The following CAMTA1 variants were observed in gnomAD, a reference collection of about 807,000 sequenced individuals.
CAMTA1 encodes the protein calmodulin binding transcription activator 1.
A neutral mutation model predicts 170.9 loss-of-function variants in CAMTA1; 27 were observed. That is an observed-to-expected ratio of 0.16 (90% CI 0.12 to 0.22). CAMTA1 has a LOEUF of 0.22. Among genes scored for constraint, CAMTA1 ranks in the 10% least tolerant of loss-of-function variants. CAMTA1 has a pLI of 1.00. For synonymous variants in CAMTA1, 833 were observed against 891.5 expected, an observed-to-expected ratio of 0.93 and a Z score of 1.17; for missense variants, 1,619 against 2,217.2, an observed-to-expected ratio of 0.73 and a Z score of 5.42.
chr1:7,656,878 CA>C (rs1202652527), intron 7 of CAMTA1, among the ~76,000 whole-genome samples: 1 of 152,238 alleles, frequency 6.6e-6, no homozygotes, highest in Non-Finnish European at 1.5e-5. Flanking sequence ...GCTGCCTTGC[CA>C]GGGGCCATAA....
chr1:6,887,698 T>A lies in CAMTA1; in HGVS notation c.234+62488T>A. The A allele has an allele frequency of 2.0e-5, 30 of 1,535,296 alleles. No homozygotes were observed. Among genetic ancestry groups the A allele is most frequent in the African/African-American group, 2.7e-5 (2 of 73,128 alleles). On this transcript the variant is annotated intron_variant, in intron 3 of 22. Coordinates refer to ENST00000303635, the MANE Select transcript of CAMTA1 (RefSeq NM_015215.4). The surrounding 1 kb of genome is among the most constrained non-coding windows in gnomAD (Gnocchi z 4.1). ...TCATGGGCGCAGCAAAGAAGAGGGATCCACAGAGCTGGAGCCATGAGGGCT... is the reference window on the plus strand; with the variant it reads ...TCATGGGCGCAGCAAAGAAGAGGGAACCACAGAGCTGGAGCCATGAGGGCT...
intron 5 of CAMTA1, among the ~76,000 whole-genome samples, chr1:7,396,925 G>A (rs1205839894): frequency 2.0e-5 from 3 of 152,112 alleles, no homozygotes; most frequent in African/African-American, 7.2e-5. Flanking sequence ...TTTTGCATCT[G>A]TTTTCATCAT....
chr1:6,876,501 T>G (rs922549153), intron 3 of CAMTA1, among the ~76,000 whole-genome samples: 1 of 152,130 alleles, frequency 6.6e-6, no homozygotes, highest in Non-Finnish European at 1.5e-5. Context: ...TAGCTGGGAT[T>G]ACAGGCGTGT....
At chr1:7,305,954 G>T (rs1176702296) in intron 5 of CAMTA1, among the ~76,000 whole-genome samples, 1 of 151,886 alleles carries the variant, frequency 6.6e-6, no homozygotes, top group Non-Finnish European at 1.5e-5. Context: ...TTCCATTTCT[G>T]TATCCTCTTA....
intron 4 of CAMTA1, among the ~76,000 whole-genome samples, chr1:7,231,605 T>C (rs1330248605): frequency 6.6e-6 from 1 of 152,078 alleles, no homozygotes; most frequent in Non-Finnish European, 1.5e-5. Flanking sequence ...ACTTCTGACC[T>C]CAGGTAATCC....
At chr1:7,557,584 G>A (rs1257916694) in intron 6 of CAMTA1, among the ~76,000 whole-genome samples, 1 of 152,234 alleles carries the variant, frequency 6.6e-6, no homozygotes, top group Non-Finnish European at 1.5e-5. Flanking sequence ...AAAGTTATTG[G>A]TGAAGTAATA....
rs2093552302 is a variant in CAMTA1 at position 7,482,387 on chromosome 1, G to T, written c.510+14486G>T. On this transcript the variant is annotated intron_variant, in intron 6 of 22. Coordinates refer to ENST00000303635, the MANE Select transcript of CAMTA1 (RefSeq NM_015215.4). This position sits in a 1 kb window ranked among gnomAD's most constrained non-coding sequence, Gnocchi z 4.2. Reference sequence around the variant, plus strand: ...CACTACTTCCTGGGGTTTCTCCTAGGCTCTCCCACAGCTGCCCCTAGGTCC... The same window carrying T: ...CACTACTTCCTGGGGTTTCTCCTAGTCTCTCCCACAGCTGCCCCTAGGTCC... Among the ~76,000 whole-genome samples the T allele has an allele frequency of 6.6e-6, 1 of 152,136 alleles. No individual in the cohort carries two copies. The highest frequency in any genetic ancestry group is 2.4e-5 in the African/African-American group (1 of 41,430).
At chr1:7,765,948 A>C (rs1419005944) in intron 22 of CAMTA1, among the ~76,000 whole-genome samples, 1 of 149,392 alleles carries the variant, frequency 6.7e-6, no homozygotes, top group Non-Finnish European at 1.5e-5. Context: ...AATTGCGTGA[A>C]CCCGGGAGGC....
At chr1:7,419,205 G>T (rs571720574) in intron 5 of CAMTA1, among the ~76,000 whole-genome samples, 1 of 24,082 alleles carries the variant, frequency 4.2e-5, no homozygotes, top group African/African-American at 1.1e-4. Context: ...TGCCCAGGCT[G>T]GAATGCAGGG....
At chr1:6,800,232 C>T (rs1643565267) in intron 1 of CAMTA1, among the ~76,000 whole-genome samples, 1 of 151,992 alleles carries the variant, frequency 6.6e-6, no homozygotes, top group Non-Finnish European at 1.5e-5. Flanking sequence ...ATAGTGAGAC[C>T]TTGTCTCTAC....
At chr1:7,378,146 G>A (rs2086989612) in intron 5 of CAMTA1, among the ~76,000 whole-genome samples, 1 of 152,126 alleles carries the variant, frequency 6.6e-6, no homozygotes, top group African/African-American at 2.4e-5. Context: ...GGTGTTAGAG[G>A]AAATTCTCCC....
At chr1:6,919,622 C>G (rs931807747) in intron 3 of CAMTA1, among the ~76,000 whole-genome samples, 4 of 152,166 alleles carry the variant, frequency 2.6e-5, no homozygotes, top group Admixed American at 2.6e-4. Context: ...GTGTATTAGT[C>G]TGTTTTCACA....
intron 6 of CAMTA1, among the ~76,000 whole-genome samples, chr1:7,522,812 G>A (rs935682663): frequency 7.9e-5 from 12 of 152,148 alleles, no homozygotes; most frequent in African/African-American, 2.9e-4. Flanking sequence ...TCAAAAATAA[G>A]TTGAGTGTGT....
At chr1:7,187,708 C>A (rs1031733117) in intron 4 of CAMTA1, among the ~76,000 whole-genome samples, 6 of 152,204 alleles carry the variant, frequency 3.9e-5, no homozygotes, top group Admixed American at 6.5e-5. Flanking sequence ...TGGCACCAAC[C>A]TTCATTATCT....
At chr1:6,836,849 G>A (rs2148651539) in intron 3 of CAMTA1, among the ~76,000 whole-genome samples, 1 of 152,258 alleles carries the variant, frequency 6.6e-6, no homozygotes, top group Middle Eastern at 3.4e-3. Context: ...GTTCAGAGGG[G>A]CTGAGACAGG....
rs988057924 is a variant in CAMTA1 at position 7,136,814 on chromosome 1, A to C, written c.302+45443A>C. ...CTCTGTCCTGGCTGGCTCCTTCCTC[A>C]GAGACTGCTCCTTCTTTGTCCTGCT... On this transcript the variant is annotated intron_variant, in intron 4 of 22. Transcript: ENST00000303635. Among the ~76,000 whole-genome samples the C allele has an allele frequency of 3.3e-5, 5 of 152,270 alleles. No individual in the cohort carries two copies. In the East Asian group the frequency reaches 9.7e-4, roughly 29 times the overall value.
At chr1:7,270,289 ATATTT>A (rs1558336356) in intron 5 of CAMTA1, among the ~76,000 whole-genome samples, 4 of 112,776 alleles carry the variant, frequency 3.5e-5, no homozygotes, top group African/African-American at 1.5e-4. Flanking sequence ...ATATATATAT[ATATTT>A]TTTTTTTTTT....
chr1:7,409,684 C>T (rs1441268127), intron 5 of CAMTA1, among the ~76,000 whole-genome samples: 1 of 152,142 alleles, frequency 6.6e-6, no homozygotes, highest in Non-Finnish European at 1.5e-5. Flanking sequence ...CTCAGAGAAG[C>T]TAATTCTGCC....
At chr1:7,559,485 T>A (rs1057350022) in intron 6 of CAMTA1, among the ~76,000 whole-genome samples, 3 of 152,140 alleles carry the variant, frequency 2.0e-5, no homozygotes, top group Middle Eastern at 3.2e-3. Flanking sequence ...ATTTTAATAG[T>A]CTCAGATTAA....
Sources: allele counts gnomAD v4.1 joint callset (sites outside exome capture counted in the v4.1 genomes callset), GRCh38; gene constraint gnomAD v4.1.1; non-coding constraint Gnocchi (gnomAD v3.1); transcripts MANE v1.5; gene names NCBI Gene and HGNC (gene_info 2026-07-23, HGNC 2026-07-21).